The following ZNF333 variants were observed in gnomAD, a reference collection of about 807,000 sequenced individuals.
ZNF333 encodes zinc finger protein 333.
ZNF333 carries 61 observed loss-of-function variants against 76.1 expected under a neutral mutation model. That is an observed-to-expected ratio of 0.80 (90% CI 0.65 to 0.99). The LOEUF is 0.99. Among genes scored for constraint, ZNF333 ranks in the 50% least tolerant of loss-of-function variants. ZNF333 has a pLI of 0.00. For synonymous variants in ZNF333, 284 were observed against 305.0 expected, an observed-to-expected ratio of 0.93 and a Z score of 0.72; for missense variants, 717 against 822.4, an observed-to-expected ratio of 0.87 and a Z score of 1.57.
intron 7 of ZNF333, among the ~76,000 whole-genome samples, chr19:14,712,311 C>T (rs2042300825): frequency 6.6e-6 from 1 of 151,952 alleles, no homozygotes; most frequent in Non-Finnish European, 1.5e-5. Context: ...ACTCCATCTC[C>T]TAGGTTCACG....
Position 14,720,555 on chromosome 19 carries a change from A to G in ZNF333, c.*1230A>G, listed in dbSNP as rs532471639. The G allele has an allele frequency of 1.0e-6, 1 of 985,398 alleles. No individual in the cohort carries two copies. The highest frequency in any genetic ancestry group is 4.7e-5 in the South Asian group (1 of 21,288). The allele number at this position is 985,398 out of a possible 1,614,324, so 61.0% of individuals were successfully genotyped here. On this transcript the variant is annotated 3_prime_UTR_variant, in exon 12 of 12. Transcript: ENST00000292530. Reference sequence around the variant, plus strand: ...GCAGCCCTGGACTATTTATTTCTGGATGTCCCATACATGAAAAATATGCAC... The same window carrying G: ...GCAGCCCTGGACTATTTATTTCTGGGTGTCCCATACATGAAAAATATGCAC...
At chr19:14,698,903 T>TAC (rs1432876791) in intron 4 of ZNF333, among the ~76,000 whole-genome samples, 2 of 15,182 alleles carry the variant, frequency 1.3e-4, no homozygotes, top group East Asian at 6.8e-3. Flanking sequence ...AATATAGATA[T>TAC]ATATATATAT....
intron 9 of ZNF333, among the ~76,000 whole-genome samples, chr19:14,716,678 T>G (rs997711725): frequency 1.3e-5 from 2 of 152,230 alleles, no homozygotes; most frequent in Admixed American, 6.5e-5. Context: ...TCCAGTCTAC[T>G]TACTGGCCTT....
chr19:14,720,931 T>C lies in ZNF333; in HGVS notation c.*1606T>C. 1.1e-6 allele frequency: 1 copy of C among 892,802 alleles called. No individual in the cohort carries two copies. The highest frequency in any genetic ancestry group is 1.3e-6 in the Non-Finnish European group (1 of 747,384). The allele number at this position is 892,802 out of a possible 1,614,324, so 55.3% of individuals were successfully genotyped here. A position where few individuals can be genotyped will look rare whatever the true frequency, so the allele number is the denominator to read the frequency against. ...TATGTTTTGAAGCAATGAAATTAAA[T>C]ATAGATACTGACATTTTTTACATTT... On this transcript the variant is annotated 3_prime_UTR_variant, in exon 12 of 12. Coordinates refer to ENST00000292530, the MANE Select transcript of ZNF333 (RefSeq NM_032433.4).
At chr19:14,728,138 G>T (rs917204145) in intron 11 of ZNF333, among the ~76,000 whole-genome samples, 1 of 152,218 alleles carries the variant, frequency 6.6e-6, no homozygotes, top group Non-Finnish European at 1.5e-5. Context: ...GCGTGAGCCT[G>T]GGAAGCGGAG....
In ZNF333 at chr19:14,695,612, A is replaced by G. The variant is rs1381442739; in HGVS notation, c.174A>G (p.Arg58=). The G allele has an allele frequency of 6.2e-7, 1 of 1,614,144 alleles. No homozygotes were observed. The highest frequency in any genetic ancestry group is 1.1e-5 in the South Asian group (1 of 91,086). Residue 58 remains arginine, a synonymous_variant, in exon 4 of 12, where the codon AGA becomes AGG. Coordinates refer to ENST00000292530, the MANE Select transcript of ZNF333 (RefSeq NM_032433.4). ...GTTGTGTCTCCCAGCTGGGGCAAAG[A>G]GCAGAGCCAAAGGCAACAGAACGAG... The part of the protein sequence containing the change: ...KPSCVSQLGQ[R]AEPKATERGI...
intron 7 of ZNF333, among the ~76,000 whole-genome samples, chr19:14,714,073 G>A (rs148812138): frequency 6.6e-5 from 10 of 152,292 alleles, no homozygotes; most frequent in Non-Finnish European, 1.2e-4. Flanking sequence ...TTGGAACGGT[G>A]GAGATGGGAA....
At chr19:14,711,480 G>A (rs1448928787) in intron 7 of ZNF333, among the ~76,000 whole-genome samples, 1 of 151,996 alleles carries the variant, frequency 6.6e-6, no homozygotes, top group Non-Finnish European at 1.5e-5. Context: ...GACCAGCCTG[G>A]GCAACATAGC....
intron 4 of ZNF333, among the ~76,000 whole-genome samples, chr19:14,696,794 A>G (rs1305106004): frequency 4.7e-5 from 6 of 128,946 alleles, no homozygotes; most frequent in Non-Finnish European, 7.7e-5. Context: ...GCTGGAGTGC[A>G]GTGGTACGAT....
At chr19:14,731,186 A>T (rs2042668419) in exon 12 of ZNF333, 2 of 1,534,134 alleles carry the variant, frequency 1.3e-6, no homozygotes, top group Non-Finnish European at 1.7e-6. Flanking sequence ...CACCCAACTA[A>T]TTTGGAAGAA....
At chr19:14,714,341 G>A (rs918278536) in intron 7 of ZNF333, among the ~76,000 whole-genome samples, 1 of 152,116 alleles carries the variant, frequency 6.6e-6, no homozygotes, top group Non-Finnish European at 1.5e-5. Context: ...AAGACGCCAC[G>A]TGAAGACAGA....
downstream of ZNF333, among the ~76,000 whole-genome samples, chr19:14,724,408 A>G (rs895209048): frequency 6.6e-6 from 1 of 152,188 alleles, no homozygotes; most frequent in Admixed American, 6.5e-5. Flanking sequence ...GTGATGTTCT[A>G]GGATGGCTCA....
chr19:14,728,191 C>T (rs2732802), intron 11 of ZNF333, among the ~76,000 whole-genome samples: 49,350 of 152,010 alleles, frequency 0.32, 8,420 homozygotes, highest in Middle Eastern at 0.48. Context: ...CCAGCCTGGG[C>T]GACAGAGCGA....
chr19:14,700,864 C>T (rs760439834), intron 5 of ZNF333, among the ~76,000 whole-genome samples: 6 of 152,198 alleles, frequency 3.9e-5, no homozygotes, highest in Non-Finnish European at 8.8e-5. Context: ...ATGCCCCACA[C>T]AGTGGATGGG....
In ZNF333 at chr19:14,720,142, C is replaced by T. The variant is rs536728450; in HGVS notation, c.*817C>T. 3.0e-5 allele frequency: 28 copies of T among 937,798 alleles called. No individual in the cohort carries two copies. The highest frequency in any genetic ancestry group is 3.4e-5 in the Non-Finnish European group (27 of 786,820). 58.1% of individuals were successfully genotyped at this position (937,798 alleles called of 1,614,324 possible). ...CAGAGGTTGCAGTGAGCCGAGATTG[C>T]GCCACTGCACTCCAGCCTGGGCAAC... On this transcript the variant is annotated 3_prime_UTR_variant, in exon 12 of 12. Transcript: ENST00000292530.
chr19:14,693,505 TG>T lies in ZNF333; in HGVS notation c.3+16del. 1.2e-6 allele frequency: 2 copies of T among 1,601,010 alleles called. No individual in the cohort carries two copies. The highest frequency in any genetic ancestry group is 1.7e-5 in the Admixed American group (1 of 59,700). ...GGCTCCAGTGTCATGGTGAGGAAAC[TG>T]GGGGCTCCTGTGGCTGAAGGGGTGG... On this transcript the variant is annotated intron_variant, in intron 2 of 11. Transcript: ENST00000292530.
intron 5 of ZNF333, among the ~76,000 whole-genome samples, chr19:14,702,293 C>T (rs1411112324): frequency 2.6e-5 from 4 of 152,188 alleles, no homozygotes; most frequent in Non-Finnish European, 5.9e-5. Flanking sequence ...GGTGGGAGGA[C>T]CACTGGAGCC....
chr19:14,711,369 G>T (rs558087630), intron 7 of ZNF333, among the ~76,000 whole-genome samples: 8 of 152,110 alleles, frequency 5.3e-5, no homozygotes, highest in Non-Finnish European at 1.0e-4. Flanking sequence ...CTGGGTTAAC[G>T]CCTTTCTGCA....
chr19:14,731,885 C>G (rs186728752), exon 12 of ZNF333: 1 of 152,222 alleles, frequency 6.6e-6, no homozygotes, highest in East Asian at 1.9e-4. Context: ...GATATGGGGG[C>G]AAATGGATGC....
Sources: gnomAD v4.1 joint callset for allele counts (sites outside exome capture counted in the v4.1 genomes callset) on GRCh38, gnomAD v4.1.1 for gene constraint, MANE v1.5 for transcripts, NCBI Gene and HGNC (gene_info 2026-07-23, HGNC 2026-07-21) for gene names.